SYN3: variants seen among roughly 807,000 people sequenced by gnomAD.
The protein encoded by SYN3 is synapsin-3.
Under a neutral mutation model 65.8 loss-of-function variants are expected in SYN3, and 35 were observed. The observed-to-expected ratio is 0.53, with a 90% CI of 0.41 to 0.70. SYN3 has a LOEUF of 0.70. SYN3 is among the 30% of genes least tolerant of loss of function. The probability of loss-of-function intolerance (pLI) is 0.00; values close to 1 mark genes in which losing one functional copy is unlikely to be tolerated. For missense variants in SYN3, 680 were observed against 749.0 expected, an observed-to-expected ratio of 0.91 and a Z score of 1.08; for synonymous variants, 270 against 292.9, an observed-to-expected ratio of 0.92 and a Z score of 0.80.
intron 3 of SYN3, among the ~76,000 whole-genome samples, chr22:32,935,698 C>T (rs1275789456): frequency 4.6e-5 from 7 of 152,168 alleles, no homozygotes; most frequent in Non-Finnish European, 8.8e-5. Flanking sequence ...GCGATCCACC[C>T]GCCTCAGCTT....
chr22:32,545,018 G>A, intron 7 of SYN3, among the ~76,000 whole-genome samples: 1 of 152,212 alleles, frequency 6.6e-6, no homozygotes, highest in East Asian at 1.9e-4. Context: ...TCATACCGCT[G>A]TGTGGCCACA....
chr22:32,857,477 T>A, intron 6 of SYN3: 1 of 809,822 alleles, frequency 1.2e-6, no homozygotes, highest in Non-Finnish European at 2.1e-6. Context: ...TTGTAAGGAG[T>A]CTCTAATGTT....
intron 7 of SYN3, among the ~76,000 whole-genome samples, chr22:32,555,996 C>A (rs1458309075): frequency 6.6e-6 from 1 of 152,140 alleles, no homozygotes; most frequent in African/African-American, 2.4e-5. Context: ...AGCTCAGAAT[C>A]AATTCCCGAG....
intron 4 of SYN3, among the ~76,000 whole-genome samples, chr22:32,904,383 T>C (rs1408368897): frequency 6.6e-6 from 1 of 152,166 alleles, no homozygotes; most frequent in African/African-American, 2.4e-5. Flanking sequence ...GGGCTCTGAG[T>C]ACCTAGCGAT....
Position 32,603,288 on chromosome 22 carries a change from G to A in SYN3, c.712-6552C>T, listed in dbSNP as rs1406063587. On this transcript the variant is annotated intron_variant, in intron 6 of 13. Transcript: ENST00000358763. ...AGCACTTTGGCAGGCCAAGGCGGGC[G>A]GATCACAAGGTCAGGAGATGGAGAC... Among the ~76,000 whole-genome samples the A allele has an allele frequency of 7.3e-5, 11 of 150,946 alleles. No homozygotes were observed. In the East Asian group the frequency reaches 1.6e-3, roughly 21 times the overall value.
chr22:32,636,276 C>A (rs1291548725), intron 6 of SYN3, among the ~76,000 whole-genome samples: 1 of 152,100 alleles, frequency 6.6e-6, no homozygotes, highest in Admixed American at 6.6e-5. Context: ...GTGGCCAGTG[C>A]CTGTAGTCCC....
chr22:32,524,790 C>T (rs1052529337), intron 12 of SYN3, among the ~76,000 whole-genome samples: 1 of 152,096 alleles, frequency 6.6e-6, no homozygotes, highest in African/African-American at 2.4e-5. Context: ...GCGGGTGGCT[C>T]ACAAGGTAAG....
At chr22:32,590,005 T>C (rs1373875143) in intron 7 of SYN3, among the ~76,000 whole-genome samples, 1 of 152,160 alleles carries the variant, frequency 6.6e-6, no homozygotes, top group Non-Finnish European at 1.5e-5. Flanking sequence ...AATCTTATTT[T>C]GAAATATAGC....
chr22:33,030,051 G>A (rs1382363844), intron 1 of SYN3, among the ~76,000 whole-genome samples: 2 of 152,156 alleles, frequency 1.3e-5, no homozygotes, highest in Admixed American at 1.3e-4. Context: ...ACGTGAGGTG[G>A]TCTGTGTTCC....
intron 7 of SYN3, among the ~76,000 whole-genome samples, chr22:32,555,038 C>T (rs1163553816): frequency 6.6e-6 from 1 of 152,150 alleles, no homozygotes; most frequent in Non-Finnish European, 1.5e-5. Flanking sequence ...ATTATTATTC[C>T]TTTTTATACC....
At chr22:32,778,039 C>G (rs546253961) in intron 6 of SYN3, among the ~76,000 whole-genome samples, 1 of 152,290 alleles carries the variant, frequency 6.6e-6, no homozygotes, top group Admixed American at 6.5e-5. Context: ...TAGAGTCTGC[C>G]AGCTGCCACT....
Position 32,911,363 on chromosome 22 carries a change from T to G in SYN3, c.461+20027A>C, listed in dbSNP as rs371033159. 1.6e-4 allele frequency among the ~76,000 whole-genome samples: 24 copies of G among 152,290 alleles called. No individual in the cohort carries two copies. The East Asian group carries it at 3.7e-3, about 23-fold the overall frequency. On this transcript the variant is annotated intron_variant, in intron 4 of 13. Transcript: ENST00000358763. ...CACAGGTAAGCAGACATCAGGCTGA[T>G]TTTCAATCCCCACTTGGAGGACACC...
At chr22:33,003,974 T>C (rs1412608549) in intron 2 of SYN3, among the ~76,000 whole-genome samples, 2 of 152,336 alleles carry the variant, frequency 1.3e-5, no homozygotes, top group Non-Finnish European at 2.9e-5. Context: ...AAGGTACAGC[T>C]GAGGCTGTTG....
intron 12 of SYN3, among the ~76,000 whole-genome samples, chr22:32,522,877 G>A (rs5994582): frequency 1.3e-5 from 2 of 152,208 alleles, no homozygotes; most frequent in African/African-American, 4.8e-5. Flanking sequence ...GTGAGATACG[G>A]AACTGGATTC....
intron 4 of SYN3, among the ~76,000 whole-genome samples, chr22:32,892,603 T>C (rs910399002): frequency 2.0e-5 from 3 of 152,160 alleles, no homozygotes; most frequent in Non-Finnish European, 2.9e-5. Context: ...CTTGAAAGTA[T>C]AGTATTGGAG....
intron 1 of SYN3, among the ~76,000 whole-genome samples, chr22:33,050,479 C>CAAAAAAAA (rs58653594): frequency 2.8e-5 from 3 of 108,502 alleles, no homozygotes; most frequent in Non-Finnish European, 1.8e-5. Flanking sequence ...GAGACTGTTT[C>CAAAAAAAA]AAAAAAAAAA....
chr22:32,597,894 TC>T (rs2059224993), intron 6 of SYN3, among the ~76,000 whole-genome samples: 1 of 152,142 alleles, frequency 6.6e-6, no homozygotes, highest in Non-Finnish European at 1.5e-5. Flanking sequence ...ACTGTATACT[TC>T]CCCACACACA....
At position 32,898,337 on chromosome 22, in the gene SYN3, T is replaced by C. The variant is rs142974017; in HGVS notation, c.462-29212A>G. On this transcript the variant is annotated intron_variant, in intron 4 of 13. Transcript: ENST00000358763. ...TTTGTAGAGACGGGGTTTCACTATG[T>C]TGCCCAGGCTTAAGCAAGTCTTTAA... Among the ~76,000 whole-genome samples, 12 of 152,262 alleles carry C rather than the reference T, an allele frequency of 7.9e-5. No homozygotes were observed. In the East Asian group the frequency reaches 2.1e-3, roughly 27 times the overall value.
chr22:32,679,699 G>A (rs907521356), intron 6 of SYN3, among the ~76,000 whole-genome samples: 1 of 151,780 alleles, frequency 6.6e-6, no homozygotes, highest in Non-Finnish European at 1.5e-5. Flanking sequence ...ATCTCAGTGT[G>A]GTTTTGATTT....
Sources: gnomAD v4.1 joint callset for allele counts (sites outside exome capture counted in the v4.1 genomes callset) on GRCh38, gnomAD v4.1.1 for gene constraint, MANE v1.5 for transcripts, NCBI Gene and HGNC (gene_info 2026-07-23, HGNC 2026-07-21) for gene names.